PSMC2: variants seen among roughly 807,000 people sequenced by gnomAD.
PSMC2 encodes the protein proteasome 26S subunit, ATPase 2.
In PSMC2, 7 loss-of-function variants were observed where a neutral mutation model predicts 53.3. The observed-to-expected ratio is 0.13, with a 90% confidence interval of 0.07 to 0.25. PSMC2 has a LOEUF of 0.25. PSMC2 is among the 10% of genes least tolerant of loss of function. PSMC2 has a pLI of 1.00. For synonymous variants in PSMC2, 169 were observed against 183.9 expected (o/e 0.92, Z 0.66); for missense variants, 241 against 544.0 (o/e 0.44, Z 5.54).
intron 7 of PSMC2, 133 bp from the exon 8 acceptor site, chr7:103,364,010 T>A: frequency 1.2e-6 from 1 of 838,140 alleles, no homozygotes; most frequent in African/African-American, 1.7e-5. Flanking sequence ...GTGGACTTAA[T>A]AATTTTGATT....
intron 4 of PSMC2, among the ~76,000 whole-genome samples, chr7:103,357,884 T>C (rs1354173584): frequency 6.6e-6 from 1 of 152,232 alleles, no homozygotes; most frequent in African/African-American, 2.4e-5. Context: ...CTCTCAGTTA[T>C]ACCTTAGTTG....
rs377670982 is a variant in PSMC2 at position 103,364,104 on chromosome 7, A to G, written c.592-39A>G. On this transcript the variant is annotated intron_variant, in intron 7 of 11. Coordinates refer to ENST00000292644, the MANE Select transcript of PSMC2 (RefSeq NM_002803.4). Reference sequence around the variant, plus strand: ...TTAGAAGTAGTCTGATTTTTGTTATACAGAAGTGGTAAGTGTGAAAATTGT... The same window carrying G: ...TTAGAAGTAGTCTGATTTTTGTTATGCAGAAGTGGTAAGTGTGAAAATTGT... 9 of 1,590,218 alleles carry G rather than the reference A, an allele frequency of 5.7e-6. No homozygotes were observed. The African/African-American group carries it at 1.2e-4, about 21-fold the overall frequency.
At chr7:103,364,352 T>A in intron 8 of PSMC2, 45 bp downstream of exon 8, 1 of 1,601,310 alleles carries the variant, frequency 6.2e-7, no homozygotes. Context: ...TGAAAGATTT[T>A]ACAGTATGAA....
Position 103,367,948 on chromosome 7 carries a change from C to T in PSMC2, c.1196C>T (p.Ala399Val). 1 of 1,613,884 alleles carries T rather than the reference C, an allele frequency of 6.2e-7. No homozygotes were observed. Among genetic ancestry groups the T allele is most frequent in the Non-Finnish European group, 8.5e-7 (1 of 1,179,962 alleles). Residue 399 changes from alanine (A) to valine (V), a missense_variant, in exon 12 of 12, where the codon GCA becomes GTA. Physicochemically the swap from Ala to Val is moderately conservative, Grantham distance 64. Coordinates refer to ENST00000292644, the MANE Select transcript of PSMC2 (RefSeq NM_002803.4). The surrounding 1 kb of genome is among the most constrained non-coding windows in gnomAD (Gnocchi z 6.1). Reference protein sequence around the residue: ...CTEAGMFAIRARRKIATEKDF... With the variant: ...CTEAGMFAIRVRRKIATEKDF... ...GAGGCTGGTATGTTTGCCATCAGAG[C>T]ACGGCGAAAAATTGCTACCGAGAAG... is the stretch of plus-strand genomic sequence containing the variant.
chr7:103,362,627 A>G (rs1820475445), intron 5 of PSMC2, 59 bp from the exon 6 acceptor site: 1 of 1,517,140 alleles, frequency 6.6e-7, no homozygotes, highest in Non-Finnish European at 9.1e-7. Flanking sequence ...AGGACTAAAC[A>G]TAAAAGCACT....
rs1294017949 is a variant in PSMC2, at chr7:103,367,522, G to A, written c.954G>A (p.Leu318=). The change falls in exon 10 of 12, where the codon CTG becomes CTA. Residue 318 remains leucine, a synonymous_variant. Coordinates refer to ENST00000292644, the MANE Select transcript of PSMC2 (RefSeq NM_002803.4). This position sits in a 1 kb window ranked among gnomAD's most constrained non-coding sequence, Gnocchi z 6.1. ...GFDPRGNIKV[L]MATNRPDTLD... ...ATCCTAGAGGCAATATTAAAGTGCT[G>A]ATGGCCACTAACAGACCTGATACTT... 1.2e-6 allele frequency: 2 copies of A among 1,614,034 alleles called. No individual in the cohort carries two copies. The highest frequency in any genetic ancestry group is 2.7e-5 in the African/African-American group (2 of 74,912).
At chr7:103,361,510 C>CAAAAAAAAAAAAAAAAAAAAAAAA (rs759044767) in intron 4 of PSMC2, among the ~76,000 whole-genome samples, 2 of 51,100 alleles carry the variant, frequency 3.9e-5, no homozygotes, top group African/African-American at 6.5e-5. Context: ...AACTCCATCT[C>CAAAAAAAAAAAAAAAAAAAAAAAA]AAAAAAAAAA....
rs1297632062 is a variant in PSMC2, at chr7:103,369,378, G to T, written c.*1324G>T. 6.6e-6 allele frequency: 1 copy of T among 152,174 alleles called. No individual in the cohort carries two copies. Among genetic ancestry groups the T allele is most frequent in the African/African-American group, 2.4e-5 (1 of 41,428 alleles). The allele number at this position is 152,174 out of a possible 1,614,324, so 9.4% of individuals were successfully genotyped here. A position where few individuals can be genotyped will look rare whatever the true frequency, so the allele number is the denominator to read the frequency against. ...TTTTGAATGTTTTGATTAAATAAAT[G>T]TACACATTTAGAACACACTCTGAAG... On this transcript the variant is annotated 3_prime_UTR_variant, in exon 12 of 12. Transcript: ENST00000292644.
chr7:103,347,718 G>A lies in PSMC2; in HGVS notation c.7G>A (p.Asp3Asn), dbSNP rs754678714. The A allele has an allele frequency of 3.7e-6, 6 of 1,613,954 alleles. No individual in the cohort carries two copies. Among genetic ancestry groups the A allele is most frequent in the East Asian group, 2.2e-5 (1 of 44,876 alleles). The change falls in exon 1 of 12, where the codon GAT (aspartate) becomes AAT (asparagine). Residue 3 changes from aspartate (D) to asparagine (N), a missense_variant. Physicochemically the swap from Asp to Asn is conservative, Grantham distance 23. Transcript: ENST00000292644. ...GGCTTTTGGAGCTGCTAAAATGCCG[G>A]ATTACCTCGGTGCCGATCAGCGGAA... MP[D>N]YLGADQRKTK...
chr7:103,352,226 A>T (rs1819764273), intron 1 of PSMC2, among the ~76,000 whole-genome samples: 1 of 145,362 alleles, frequency 6.9e-6, no homozygotes, highest in African/African-American at 2.6e-5. Context: ...AAAAAAAAAA[A>T]AAAAAAAAAA....
chr7:103,354,400 C>T (rs958592384), intron 2 of PSMC2, among the ~76,000 whole-genome samples: 61 of 138,782 alleles, frequency 4.4e-4, no homozygotes, highest in Non-Finnish European at 7.3e-4. Flanking sequence ...CGGAGTGTTG[C>T]TCTTGTCACC....
At chr7:103,362,501 T>G (rs1820467647) in intron 5 of PSMC2, 185 bp from the exon 6 acceptor site, 11 of 1,416,042 alleles carry the variant, frequency 7.8e-6, no homozygotes, top group Non-Finnish European at 8.3e-6. Context: ...ATAGGTTGTT[T>G]GCGACATTAG....
chr7:103,355,530 C>T (rs2116159808), intron 3 of PSMC2, among the ~76,000 whole-genome samples, 164 bp from the exon 4 acceptor site: 1 of 149,416 alleles, frequency 6.7e-6, no homozygotes, highest in Middle Eastern at 3.4e-3. Flanking sequence ...CTGCTGGCGT[C>T]TAGTGGTGAG....
At chr7:103,354,759 T>C (rs1819936918) in intron 2 of PSMC2, 109 bp from the exon 3 acceptor site, 1 of 688,926 alleles carries the variant, frequency 1.5e-6, no homozygotes, top group African/African-American at 1.8e-5. Context: ...TCACAAGCTT[T>C]GGGATAATGA....
At position 103,347,766 on chromosome 7, in the gene PSMC2, G is replaced by A; in HGVS notation, c.55G>A (p.Asp19Asn). ...GAAGACCAAAGAGGATGAGAAGGAC[G>A]ACAAGCCCATCCGAGGTCAGTTGAC... is the stretch of plus-strand genomic sequence containing the variant. ...QRKTKEDEKD[D>N]KPIRALDEGD... Residue 19 changes from aspartate to asparagine, a missense_variant, in exon 1 of 12, where the codon GAC becomes AAC. Physicochemically the swap from Asp to Asn is conservative, Grantham distance 23. Around this residue, in one of 6 missense-constraint regions of PSMC2, gnomAD observed 70 missense variants for 57.9 expected, o/e 1.21. Coordinates refer to ENST00000292644, the MANE Select transcript of PSMC2 (RefSeq NM_002803.4). 1 of 1,613,858 alleles carries A rather than the reference G, an allele frequency of 6.2e-7. No individual in the cohort carries two copies. Among genetic ancestry groups the A allele is most frequent in the Non-Finnish European group, 8.5e-7 (1 of 1,179,810 alleles).
At chr7:103,363,570 AGAG>A (rs1820531446) in intron 7 of PSMC2, 131 bp downstream of exon 7, 1 of 780,526 alleles carries the variant, frequency 1.3e-6, no homozygotes, top group African/African-American at 1.7e-5. Context: ...GAGGGTGGAG[AGAG>A]GAGGTGTGGA....
intron 2 of PSMC2, among the ~76,000 whole-genome samples, chr7:103,354,420 G>C (rs991732025): frequency 1.3e-5 from 2 of 148,338 alleles, no homozygotes; most frequent in South Asian, 2.1e-4. Flanking sequence ...CCAGGCTGGA[G>C]TGCAATGGCG....
intron 9 of PSMC2, 81 bp downstream of exon 9, chr7:103,366,244 T>G (rs756469920): frequency 1.7e-4 from 217 of 1,270,052 alleles, no homozygotes; most frequent in Non-Finnish European, 2.2e-4. Flanking sequence ...TATGTTAATC[T>G]TGTACAGAAT....
chr7:103,359,137 G>C (rs1462787942), intron 4 of PSMC2, among the ~76,000 whole-genome samples: 1 of 16,682 alleles, frequency 6.0e-5, no homozygotes. Context: ...CCCATGTCTG[G>C]CTTTTTTTTT....
Sources: gnomAD v4.1 joint callset for allele counts (sites outside exome capture counted in the v4.1 genomes callset) on GRCh38, gnomAD v4.1.1 for gene constraint, gnomAD v4.1.1 regional missense constraint, Gnocchi (gnomAD v3.1) non-coding constraint, MANE v1.5 for transcripts, NCBI Gene and HGNC (gene_info 2026-07-23, HGNC 2026-07-21) for gene names.